HS2ST1: variants seen among roughly 807,000 people sequenced by gnomAD.
The protein encoded by HS2ST1 is 2-O-sulfotransferase.
HS2ST1 carries 18 observed loss-of-function variants against 42.9 expected under a neutral mutation model. That is an observed-to-expected ratio of 0.42 (90% confidence interval 0.29 to 0.62). The LOEUF (loss-of-function observed/expected upper bound fraction) is 0.62, where lower values mean the gene tolerates loss of function less well. HS2ST1 is among the 20% of genes least tolerant of loss of function. The pLI is 0.21. For synonymous variants in HS2ST1, 146 were observed against 152.9 expected (o/e 0.95, Z 0.33); for missense variants, 334 against 433.8 (o/e 0.77, Z 2.04).
rs1396243160 is a variant in HS2ST1 at position 87,105,732 on chromosome 1, T to C, written c.*1036T>C. 6.6e-6 allele frequency: 1 copy of C among 152,552 alleles called. No individual in the cohort carries two copies. The highest frequency in any genetic ancestry group is 1.9e-4 in the East Asian group (1 of 5,202). The allele number at this position is 152,552 out of a possible 1,614,324, so 9.4% of individuals were successfully genotyped here. ...AAAGTGGTTTTGCACCAATTTTATG[T>C]CAAGTAAAACCATCAGACCTACTGT... On this transcript the variant is annotated 3_prime_UTR_variant, in exon 7 of 7. Transcript: ENST00000370550.
At position 87,107,842 on chromosome 1, in the gene HS2ST1, G is replaced by A. The variant is rs1196796314; in HGVS notation, c.*3146G>A. On this transcript the variant is annotated 3_prime_UTR_variant, in exon 7 of 7. Transcript: ENST00000370550. ...AAGTAGCACTTAAATATATCTGATAGCAACACTTAAGATATTGCATGGGGA... is the reference window on the plus strand; with the variant it reads ...AAGTAGCACTTAAATATATCTGATAACAACACTTAAGATATTGCATGGGGA... 1 of 151,934 alleles carries A rather than the reference G, an allele frequency of 6.6e-6. No individual in the cohort carries two copies. The allele number at this position is 151,934 out of a possible 1,614,324, so 9.4% of individuals were successfully genotyped here. A position where few individuals can be genotyped will look rare whatever the true frequency, so the allele number is the denominator to read the frequency against.
intron 1 of HS2ST1, among the ~76,000 whole-genome samples, chr1:86,941,567 T>C (rs1660764047): frequency 6.6e-6 from 1 of 151,356 alleles, no homozygotes; most frequent in African/African-American, 2.4e-5. Flanking sequence ...AGGTCAGGAG[T>C]TGAAGACCAG....
chr1:86,956,662 A>G (rs999268239), intron 1 of HS2ST1: 4 of 152,042 alleles, frequency 2.6e-5, no homozygotes, highest in African/African-American at 9.7e-5. Context: ...CCTTGATTTT[A>G]TGTTATTAGA....
At chr1:87,080,582 C>A (rs1651659994) in intron 2 of HS2ST1, among the ~76,000 whole-genome samples, 1 of 152,070 alleles carries the variant, frequency 6.6e-6, no homozygotes, top group Admixed American at 6.6e-5. Context: ...AAACTATCCA[C>A]ACAAAAAAGC....
rs1652315577 is a variant in HS2ST1, at chr1:87,105,918, C to T, written c.*1222C>T. ...CAAAAAACTTGATTTCAGGTCCTAG[C>T]TCTAGCACTTACAGCTGTGTGATCT... is the stretch of plus-strand genomic sequence containing the variant. On this transcript the variant is annotated 3_prime_UTR_variant, in exon 7 of 7. Coordinates refer to ENST00000370550, the MANE Select transcript of HS2ST1 (RefSeq NM_012262.4). 1.3e-5 allele frequency: 2 copies of T among 152,654 alleles called. No homozygotes were observed. The highest frequency in any genetic ancestry group is 4.8e-5 in the African/African-American group (2 of 41,458). The allele number at this position is 152,654 out of a possible 1,614,324, so 9.5% of individuals were successfully genotyped here. A position where few individuals can be genotyped will look rare whatever the true frequency, so the allele number is the denominator to read the frequency against.
intron 1 of HS2ST1, among the ~76,000 whole-genome samples, chr1:86,985,895 A>T (rs1017917332): frequency 6.6e-6 from 1 of 152,148 alleles, no homozygotes; most frequent in Admixed American, 6.5e-5. Context: ...GTTCAACTAG[A>T]AGGTAGGAAT....
chr1:87,096,994 A>G (rs191000784), intron 4 of HS2ST1, among the ~76,000 whole-genome samples: 1,663 of 152,362 alleles, frequency 0.011, 15 homozygotes, highest in Middle Eastern at 0.02. Flanking sequence ...ATCTAAGACC[A>G]TCTAGAAAAA....
intron 1 of HS2ST1, among the ~76,000 whole-genome samples, chr1:87,003,755 C>T (rs145989327): frequency 1.9e-3 from 284 of 152,124 alleles, no homozygotes; most frequent in Non-Finnish European, 3.7e-3. Flanking sequence ...AGTATAACAA[C>T]CATTTACATA....
At chr1:86,972,628 A>C (rs1648271389) in intron 1 of HS2ST1, among the ~76,000 whole-genome samples, 3 of 152,352 alleles carry the variant, frequency 2.0e-5, no homozygotes, top group Non-Finnish European at 4.4e-5. Flanking sequence ...TATTGTTTGC[A>C]GTTTCAAGCA....
chr1:87,018,384 T>C (rs11161925), intron 1 of HS2ST1, among the ~76,000 whole-genome samples: 5,243 of 152,252 alleles, frequency 0.034, 185 homozygotes, highest in African/African-American at 0.088. Flanking sequence ...AAAATGGTCA[T>C]CTGCACTCAA....
At chr1:87,013,880 G>T (rs1186386632) in intron 1 of HS2ST1, among the ~76,000 whole-genome samples, 2 of 152,118 alleles carry the variant, frequency 1.3e-5, no homozygotes, top group Non-Finnish European at 2.9e-5. Context: ...GGTCTCCAGG[G>T]CAGGGGCACA....
At chr1:87,077,100 C>T (rs186939430) in intron 2 of HS2ST1, among the ~76,000 whole-genome samples, 7 of 152,262 alleles carry the variant, frequency 4.6e-5, no homozygotes, top group Admixed American at 2.6e-4. Flanking sequence ...TTAAACAACT[C>T]CCACTGGATG....
At chr1:87,039,264 T>A (rs12094478) in intron 1 of HS2ST1, among the ~76,000 whole-genome samples, 18,649 of 152,282 alleles carry the variant, frequency 0.12, 1,239 homozygotes, top group African/African-American at 0.14. Flanking sequence ...AGAGACCATC[T>A]AAACCACCAG....
chr1:86,990,789 T>A (rs2100559468), intron 1 of HS2ST1, among the ~76,000 whole-genome samples: 1 of 131,806 alleles, frequency 7.6e-6, no homozygotes, highest in Middle Eastern at 3.9e-3. Flanking sequence ...ATTACAGGCA[T>A]ATGCCACCAT....
chr1:87,056,916 GA>G (rs1650985252), intron 1 of HS2ST1, among the ~76,000 whole-genome samples: 1 of 152,090 alleles, frequency 6.6e-6, no homozygotes, highest in South Asian at 2.1e-4. Flanking sequence ...TTTTAGTGTA[GA>G]ATTGAAAAAG....
intron 1 of HS2ST1, chr1:87,046,331 T>C: frequency 2.7e-6 from 2 of 740,484 alleles, no homozygotes; most frequent in South Asian, 1.3e-5. Flanking sequence ...CTTCAGAACC[T>C]ATACATTGCA....
intron 5 of HS2ST1, chr1:87,098,257 TCCAAAGCTTACTGTTTTAGCTA>T (rs2100654516): frequency 9.7e-7 from 1 of 1,028,160 alleles, no homozygotes; most frequent in East Asian, 9.7e-5. Flanking sequence ...TCTTATTTTG[TCCAAAGCTTACTGTTTTAGCTA>T]TTCATGTTAA....
intron 5 of HS2ST1, among the ~76,000 whole-genome samples, chr1:87,101,729 A>G (rs1293125491): frequency 1.3e-5 from 2 of 152,092 alleles, no homozygotes; most frequent in East Asian, 1.9e-4. Flanking sequence ...AATTCTTCCA[A>G]CCGCTGCCCA....
chr1:86,916,556 A>G (rs886840553), intron 1 of HS2ST1, among the ~76,000 whole-genome samples: 2 of 152,242 alleles, frequency 1.3e-5, no homozygotes, highest in South Asian at 2.1e-4. Context: ...AACTAGAGTT[A>G]CTTCCAGCCC....
Sources: gnomAD v4.1 joint callset for allele counts (sites outside exome capture counted in the v4.1 genomes callset) on GRCh38, gnomAD v4.1.1 for gene constraint, MANE v1.5 for transcripts, NCBI Gene and HGNC (gene_info 2026-07-23, HGNC 2026-07-21) for gene names.